Variants in VPS9D1 observed in about 807,000 individuals in gnomAD.
VPS9D1 encodes the protein VPS9 domain containing 1, also known as VPS9 domain-containing protein 1.
VPS9D1 carries 78 observed loss-of-function variants against 75.8 expected under a neutral mutation model. The ratio of observed to expected loss-of-function variants is 1.03; its 90% CI spans 0.86 to 1.24. The LOEUF (loss-of-function observed/expected upper bound fraction) is 1.24, where lower values mean the gene tolerates loss of function less well. VPS9D1 is among the 50% of genes most tolerant of loss of function. The pLI, the probability that VPS9D1 is intolerant of heterozygous loss-of-function variation, is 0.00. For missense variants in VPS9D1, 1,057 were observed against 847.7 expected (o/e 1.25, Z -3.07); for synonymous variants, 481 against 385.6 (o/e 1.25, Z -2.90).
chr16:89,716,734 C>G lies in VPS9D1; in HGVS notation c.264G>C (p.Lys88Asn). The G allele has an allele frequency of 6.3e-7, 1 of 1,588,416 alleles. No homozygotes were observed. Among genetic ancestry groups the G allele is most frequent in the Non-Finnish European group, 8.6e-7 (1 of 1,167,168 alleles). Residue 88 changes from lysine to asparagine, a missense_variant, in exon 3 of 15, where the codon AAG (lysine) becomes AAC (asparagine). Physicochemically the swap from Lys to Asn is moderately conservative, Grantham distance 94 (BLOSUM62 0). Transcript: ENST00000389386. Reference sequence around the variant, plus strand: ...CGCCTACTGCAGGAGACCCACCAAGCTTGGCGGCCGTCGACTGGGCCCTCT... The same window carrying G: ...CGCCTACTGCAGGAGACCCACCAAGGTTGGCGGCCGTCGACTGGGCCCTCT... ...CLERAQSTAAKLGKTRLKPTM... is the reference protein window; with the variant it reads ...CLERAQSTAANLGKTRLKPTM...
intron 2 of VPS9D1, chr16:89,717,253 TGC>T (rs1158010182): frequency 6.6e-6 from 2 of 303,840 alleles, no homozygotes; most frequent in African/African-American, 4.6e-5. Context: ...CTCCTGAGTC[TGC>T]TAAGGCTGTG....
intron 2 of VPS9D1, chr16:89,718,211 A>G (rs1351302037): frequency 5.1e-6 from 2 of 393,190 alleles, no homozygotes; most frequent in Admixed American, 2.8e-5. Flanking sequence ...TGCCTCCTGC[A>G]AGTCTGCTCT....
At chr16:89,712,000 G>T (rs1463322990) in intron 7 of VPS9D1, 31 bp from the exon 8 acceptor site, 1 of 1,549,588 alleles carries the variant, frequency 6.5e-7, no homozygotes, top group South Asian at 1.2e-5. Flanking sequence ...TGGGTGCCGG[G>T]GCCAGGCCCT....
chr16:89,720,404 C>G (rs2061223327), intron 1 of VPS9D1: 2 of 1,009,786 alleles, frequency 2.0e-6, no homozygotes, highest in Non-Finnish European at 2.4e-6. Flanking sequence ...CGGATTAAAT[C>G]TACCATCTCT....
intron 4 of VPS9D1, 61 bp downstream of exon 4, chr16:89,716,401 C>T (rs1597925923): frequency 6.2e-7 from 1 of 1,601,884 alleles, no homozygotes; most frequent in East Asian, 2.2e-5. Flanking sequence ...ATCAGCTCAT[C>T]TTTCTCAGCC....
chr16:89,717,762 T>C, intron 2 of VPS9D1: 2 of 456,588 alleles, frequency 4.4e-6, no homozygotes, highest in South Asian at 3.1e-5. Context: ...AACTCCTCAA[T>C]CTTGGAGCGC....
chr16:89,717,637 C>A (rs1184979000), intron 2 of VPS9D1: 2 of 456,434 alleles, frequency 4.4e-6, no homozygotes, highest in African/African-American at 4.0e-5. Context: ...CCCCCGACTC[C>A]CCCCGGAAAC....
intron 2 of VPS9D1, 66 bp downstream of exon 2, chr16:89,718,961 G>A (rs566983638): frequency 9.2e-6 from 13 of 1,406,160 alleles, no homozygotes; most frequent in African/African-American, 7.1e-5. Context: ...GTGATAGCCC[G>A]CCTCTGCCTC....
chr16:89,715,495 G>T (rs1295042274), intron 4 of VPS9D1, among the ~76,000 whole-genome samples: 1 of 151,734 alleles, frequency 6.6e-6, no homozygotes, highest in Non-Finnish European at 1.5e-5. Flanking sequence ...CAAAGTGCTG[G>T]GATTACAGGC....
Position 89,707,841 on chromosome 16 carries a change from G to A in VPS9D1, c.*20C>T. 6.2e-7 allele frequency: 1 copy of A among 1,611,666 alleles called. No homozygotes were observed. Among genetic ancestry groups the A allele is most frequent in the South Asian group, 1.1e-5 (1 of 91,026 alleles). On this transcript the variant is annotated 3_prime_UTR_variant, in exon 15 of 15. Transcript: ENST00000389386. ...GGGAGGCGAGGCCAGGCCCTGCAGG[G>A]ACCCTGGGCTCTAGCTGTACTACTT...
At chr16:89,713,423 T>G (rs1373242207) in intron 4 of VPS9D1, among the ~76,000 whole-genome samples, 1 of 151,340 alleles carries the variant, frequency 6.6e-6, no homozygotes, top group Non-Finnish European at 1.5e-5. Flanking sequence ...CCCGGCTAAT[T>G]TTTTGTATTT....
intron 13 of VPS9D1, 38 bp from the exon 14 acceptor site, chr16:89,708,569 G>A (rs1280970722): frequency 6.3e-7 from 1 of 1,589,352 alleles, no homozygotes; most frequent in Admixed American, 1.7e-5. Context: ...TTGGGGCCAG[G>A]AGCCTCTCAC....
chr16:89,711,252 T>C (rs2151624842), intron 9 of VPS9D1, 75 bp downstream of exon 9: 3 of 1,479,634 alleles, frequency 2.0e-6, no homozygotes, highest in Middle Eastern at 1.9e-4. Context: ...CCAGCCCCTC[T>C]CCGGCACCTG....
Position 89,709,873 on chromosome 16 carries a change from T to C in VPS9D1, c.1292A>G (p.Glu431Gly), listed in dbSNP as rs776936235. ...RLLSLTLLAF[E>G]GLNTAASKDR... is the part of the protein sequence containing the mutation. ...CTTGGAGGCAGCTGTGTTTAGGCCT[T>C]CGAAGGCCAGAAGGGTCAGCGAGAG... The change falls in exon 11 of 15, where the codon GAA becomes GGA. Residue 431 changes from glutamate to glycine, a missense_variant. Coordinates refer to ENST00000389386, the MANE Select transcript of VPS9D1 (RefSeq NM_004913.3). 1.1e-5 allele frequency: 17 copies of C among 1,613,236 alleles called. No individual in the cohort carries two copies. Among genetic ancestry groups the C allele is most frequent in the Non-Finnish European group, 1.4e-5 (17 of 1,179,682 alleles).
At chr16:89,712,872 T>G (rs12930669) in intron 4 of VPS9D1, 156 bp from the exon 5 acceptor site, 2 of 608,106 alleles carry the variant, frequency 3.3e-6, no homozygotes, top group East Asian at 6.3e-5. Flanking sequence ...ATCTGCCCCT[T>G]CTTGCCTGCC....
rs2060867349 is a variant in VPS9D1, at chr16:89,709,504, G to A, written c.1389-69C>T. On this transcript the variant is annotated intron_variant, in intron 11 of 14. Coordinates refer to ENST00000389386, the MANE Select transcript of VPS9D1 (RefSeq NM_004913.3). Reference sequence around the variant, plus strand: ...CCCTGGGGACAGAAGCAGGGCTGTGGCTGGAGCTCAGTCCTGGAGAAAACT... The same window carrying A: ...CCCTGGGGACAGAAGCAGGGCTGTGACTGGAGCTCAGTCCTGGAGAAAACT... 2.1e-6 allele frequency: 3 copies of A among 1,443,872 alleles called. No homozygotes were observed. The Admixed American group carries it at 8.1e-5, about 39-fold the overall frequency. 89.4% of individuals were successfully genotyped at this position (1,443,872 alleles called of 1,614,324 possible).
intron 4 of VPS9D1, 190 bp from the exon 5 acceptor site, chr16:89,712,906 A>C (rs995166234): frequency 2.1e-5 from 11 of 518,808 alleles, no homozygotes; most frequent in African/African-American, 3.9e-5. Flanking sequence ...GGTTTTGGCC[A>C]GGTGCAGTGG....
At chr16:89,717,962 C>T (rs976435087) in intron 2 of VPS9D1, 1 of 448,906 alleles carries the variant, frequency 2.2e-6, no homozygotes, top group African/African-American at 2.0e-5. Flanking sequence ...AGTGGCTCCC[C>T]CGACCTCTGT....
chr16:89,709,757 T>C lies in VPS9D1; in HGVS notation c.1388+20A>G. The C allele has an allele frequency of 1.9e-6, 3 of 1,613,158 alleles. No homozygotes were observed. The highest frequency in any genetic ancestry group is 2.5e-6 in the Non-Finnish European group (3 of 1,179,810). ...GGAAGACACTAGGCCACGCAGGTGGTTGTACAGCTGGGTCCATACCTGTAC... is the reference window on the plus strand; with the variant it reads ...GGAAGACACTAGGCCACGCAGGTGGCTGTACAGCTGGGTCCATACCTGTAC... On this transcript the variant is annotated intron_variant, in intron 11 of 14. Coordinates refer to ENST00000389386, the MANE Select transcript of VPS9D1 (RefSeq NM_004913.3).
Sources: allele counts gnomAD v4.1 joint callset (sites outside exome capture counted in the v4.1 genomes callset), GRCh38; gene constraint gnomAD v4.1.1; transcripts MANE v1.5; gene names NCBI Gene and HGNC (gene_info 2026-07-23, HGNC 2026-07-21).